Variants in REXO5 observed in about 807,000 individuals in gnomAD.
REXO5 encodes exonuclease NEF-sp.
A neutral mutation model predicts 88.5 loss-of-function variants in REXO5; 48 were observed. The observed-to-expected ratio is 0.54, with a 90% CI of 0.43 to 0.69. The LOEUF (loss-of-function observed/expected upper bound fraction) is 0.69. REXO5 is among the 30% of genes least tolerant of loss of function. The probability of loss-of-function intolerance (pLI) is 0.00; values close to 1 mark genes in which losing one functional copy is unlikely to be tolerated. For missense variants in REXO5, 749 were observed against 912.2 expected (o/e 0.82, Z 2.30); for synonymous variants, 311 against 336.5 (o/e 0.92, Z 0.83).
At chr16:20,841,967 T>C (rs2081534305) in intron 15 of REXO5, among the ~76,000 whole-genome samples, 1 of 152,222 alleles carries the variant, frequency 6.6e-6, no homozygotes, top group Non-Finnish European at 1.5e-5. Flanking sequence ...AGAAGATGGA[T>C]TGGGGGATGA....
intron 5 of REXO5, among the ~76,000 whole-genome samples, chr16:20,816,713 G>T (rs779926847): frequency 1.4e-4 from 22 of 152,106 alleles, no homozygotes; most frequent in Non-Finnish European, 2.8e-4. Context: ...CACAGCCAGG[G>T]TTCATGTCTC....
At position 20,825,968 on chromosome 16, in the gene REXO5, C is replaced by T. The variant is rs201495345; in HGVS notation, c.821+20C>T. On this transcript the variant is annotated intron_variant, in intron 8 of 19. Coordinates refer to ENST00000261377, the MANE Select transcript of REXO5 (RefSeq NM_030941.3). ...CACCAGGTATTTTTCACCTTGCCTG[C>T]AGCTCTTCTAAGAGCTATCGGGCTA... 6.6e-7 allele frequency: 1 copy of T among 1,509,966 alleles called. No homozygotes were observed. Among genetic ancestry groups the T allele is most frequent in the Non-Finnish European group, 9.2e-7 (1 of 1,088,350 alleles). 93.5% of individuals were successfully genotyped at this position (1,509,966 alleles called of 1,614,324 possible).
At chr16:20,826,206 T>A (rs187508966) in intron 8 of REXO5, among the ~76,000 whole-genome samples, 2 of 152,320 alleles carry the variant, frequency 1.3e-5, no homozygotes, top group Admixed American at 1.3e-4. Flanking sequence ...AATCTCCCAA[T>A]TATAATCATT....
At chr16:20,810,627 C>T (rs1185763470) in intron 2 of REXO5, among the ~76,000 whole-genome samples, 4 of 152,280 alleles carry the variant, frequency 2.6e-5, no homozygotes, top group East Asian at 1.9e-4. Context: ...AATTCATGAC[C>T]TCAAGTGATC....
chr16:20,824,575 C>A, intron 7 of REXO5, 48 bp downstream of exon 7: 2 of 1,151,836 alleles, frequency 1.7e-6, no homozygotes, highest in Non-Finnish European at 2.6e-6. Flanking sequence ...AAGCTGAGGT[C>A]TAGTAGAAAA....
At chr16:20,848,892 G>C (rs1254801623) in intron 19 of REXO5, among the ~76,000 whole-genome samples, 1 of 152,206 alleles carries the variant, frequency 6.6e-6, no homozygotes, top group South Asian at 2.1e-4. Flanking sequence ...CAACTTATAA[G>C]GGATCTAATG....
chr16:20,834,098 C>T (rs1043141684), intron 13 of REXO5, among the ~76,000 whole-genome samples: 2 of 152,070 alleles, frequency 1.3e-5, no homozygotes, highest in African/African-American at 4.8e-5. Context: ...CCTTTCTTAG[C>T]AGAGTTGCTT....
chr16:20,837,699 T>C (rs1352754287), intron 13 of REXO5, among the ~76,000 whole-genome samples: 2 of 152,098 alleles, frequency 1.3e-5, no homozygotes, highest in African/African-American at 4.8e-5. Context: ...AGCCCCATGG[T>C]TGATTTTTTT....
At chr16:20,837,172 G>C (rs2081445217) in intron 13 of REXO5, among the ~76,000 whole-genome samples, 1 of 152,170 alleles carries the variant, frequency 6.6e-6, no homozygotes, top group Non-Finnish European at 1.5e-5. Context: ...ACTGGGGATG[G>C]AAATCCTTGT....
At chr16:20,839,718 G>T in intron 13 of REXO5, 37 bp from the exon 14 acceptor site, 1 of 1,431,150 alleles carries the variant, frequency 7.0e-7, no homozygotes, top group Non-Finnish European at 9.7e-7. Context: ...TAGAGTATGA[G>T]GTTCCTACCT....
chr16:20,808,216 G>T (rs4783505), intron 2 of REXO5, among the ~76,000 whole-genome samples: 64,917 of 152,018 alleles, frequency 0.43, 16,405 homozygotes, highest in Non-Finnish European at 0.58. Context: ...TGGTGCCAAC[G>T]GTTGGGGACC....
At chr16:20,826,617 A>G (rs1483233882) in intron 8 of REXO5, among the ~76,000 whole-genome samples, 1 of 152,258 alleles carries the variant, frequency 6.6e-6, no homozygotes. Flanking sequence ...TGTTTGTCAC[A>G]GTATTGCAAA....
intron 19 of REXO5, among the ~76,000 whole-genome samples, chr16:20,847,584 C>G (rs958454331): frequency 6.6e-6 from 1 of 152,074 alleles, no homozygotes; most frequent in Non-Finnish European, 1.5e-5. Context: ...GATGGTCTAC[C>G]TACTGGGCAC....
chr16:20,827,340 C>CTT lies in REXO5; in HGVS notation c.961-11_961-10dup. 6.2e-7 allele frequency: 1 copy of CTT among 1,608,856 alleles called. No homozygotes were observed. The highest frequency in any genetic ancestry group is 8.5e-7 in the Non-Finnish European group (1 of 1,176,184). On this transcript the variant is annotated splice_polypyrimidine_tract_variant and intron_variant, in intron 9 of 19. Transcript: ENST00000261377. ...CATAAGACACTACTCATTTTATTCT[C>CTT]TTTCTTCCTCAGATGATACATCCAT...
At position 20,818,479 on chromosome 16, in the gene REXO5, T is replaced by A. The variant is rs1229174959; in HGVS notation, c.475+2267T>A. On this transcript the variant is annotated intron_variant, in intron 5 of 19. Transcript: ENST00000261377. ...ATCTTAATTCAGATGCTGTAACAAC[T>A]TCTTTTTGAAACAGAGTCTCGCTCT... 1.2e-4 allele frequency among the ~76,000 whole-genome samples: 19 copies of A among 152,236 alleles called. 1 individual carries two copies. Among genetic ancestry groups the A allele is most frequent in the Admixed American group, 1.2e-3 (19 of 15,284 alleles).
At chr16:20,844,551 G>T in intron 16 of REXO5, 78 bp from the exon 17 acceptor site, 1 of 1,251,740 alleles carries the variant, frequency 8.0e-7, no homozygotes, top group South Asian at 1.3e-5. Flanking sequence ...TATTAGTAAT[G>T]GCAACAACTT....
rs1352414167 is a variant in REXO5 at position 20,807,085 on chromosome 16, G to A, written c.132G>A (p.Glu44=). Reference sequence around the variant, plus strand: ...GGGATCTCGAGGAGAGTCAGCCCGAGGCCAAGGTGAGCAACGGGGATCCCG... The same window carrying A: ...GGGATCTCGAGGAGAGTCAGCCCGAAGCCAAGGTGAGCAACGGGGATCCCG... The part of the protein sequence containing the change: ...AGWDLEESQP[E]AKKARLSTIL... Residue 44 remains glutamate (E), a synonymous_variant, in exon 2 of 20, where the codon GAG becomes GAA. Transcript: ENST00000261377. 1.8e-5 allele frequency: 29 copies of A among 1,603,004 alleles called. No homozygotes were observed. Among genetic ancestry groups the A allele is most frequent in the Non-Finnish European group, 2.4e-5 (28 of 1,175,776 alleles).
intron 2 of REXO5, among the ~76,000 whole-genome samples, chr16:20,808,046 T>C (rs1596560517): frequency 6.6e-6 from 1 of 152,122 alleles, no homozygotes; most frequent in East Asian, 1.9e-4. Context: ...GTGCCAAACC[T>C]ATTGTGAGCC....
Position 20,807,119 on chromosome 16 carries a change from G to A in REXO5, c.138+28G>A, listed in dbSNP as rs759708113. 2.5e-6 allele frequency: 4 copies of A among 1,582,414 alleles called. No homozygotes were observed. The East Asian group carries it at 6.8e-5, about 27-fold the overall frequency. ...GAGCAACGGGGATCCCGAGCAGGCG[G>A]CCCTAGGCGGTTTGGAGCTCCCGGA... On this transcript the variant is annotated intron_variant, in intron 2 of 19. Transcript: ENST00000261377.
Sources: gnomAD v4.1 joint callset for allele counts (sites outside exome capture counted in the v4.1 genomes callset) on GRCh38, gnomAD v4.1.1 for gene constraint, MANE v1.5 for transcripts, NCBI Gene and HGNC (gene_info 2026-07-23, HGNC 2026-07-21) for gene names.